TP53BP2: variants seen among roughly 807,000 people sequenced by gnomAD.
TP53BP2 encodes tumor protein p53 binding protein 2.
In TP53BP2, 62 loss-of-function variants were observed where a neutral mutation model predicts 126.2. The observed-to-expected ratio is 0.49, with a 90% CI of 0.40 to 0.61. The LOEUF (loss-of-function observed/expected upper bound fraction) is 0.61, where lower values mean the gene tolerates loss of function less well. Among genes scored for constraint, TP53BP2 ranks in the 20% least tolerant of loss-of-function variants. The pLI is 0.00. For synonymous variants in TP53BP2, 485 were observed against 502.9 expected, an observed-to-expected ratio of 0.96 and a Z score of 0.48; for missense variants, 1,215 against 1,402.8, an observed-to-expected ratio of 0.87 and a Z score of 2.14.
chr1:223,814,136 C>G, intron 3 of TP53BP2, 104 bp downstream of exon 3: 2 of 795,252 alleles, frequency 2.5e-6, no homozygotes, highest in Non-Finnish European at 4.2e-6. Flanking sequence ...CCTAACCTCT[C>G]CTTCACCTCT....
chr1:223,790,416 G>C (rs1242768159), intron 15 of TP53BP2, among the ~76,000 whole-genome samples: 4 of 151,816 alleles, frequency 2.6e-5, no homozygotes, highest in Non-Finnish European at 5.9e-5. Flanking sequence ...AAAATAGCCA[G>C]GTGTGGTGGC....
chr1:223,802,912 G>T lies in TP53BP2; in HGVS notation c.832-17C>A. 1 of 1,611,790 alleles carries T rather than the reference G, an allele frequency of 6.2e-7. No individual in the cohort carries two copies. On this transcript the variant is annotated splice_polypyrimidine_tract_variant and intron_variant, in intron 7 of 17. Coordinates refer to ENST00000343537, the MANE Select transcript of TP53BP2 (RefSeq NM_001031685.3). Reference sequence around the variant, plus strand: ...GTTTCTTAGCTGAATAAAAGAGAGGGGAAAAAAGGTAGCCAAGGAGTAGGA... The same window carrying T: ...GTTTCTTAGCTGAATAAAAGAGAGGTGAAAAAAGGTAGCCAAGGAGTAGGA...
At position 223,804,235 on chromosome 1, in the gene TP53BP2, T is replaced by C; in HGVS notation, c.588A>G (p.Leu196=). The stretch of plus-strand genomic sequence containing the variant: ...GGCCTTTAAGTGCTCTCACTTTTTT[T>C]AGCTTAGCTTCCTGATTCTCAGCTA... ...KEIAENQEAK[L]KKVRALKGHV... is the part of the protein sequence containing the mutation. Residue 196 remains leucine (L), a synonymous_variant, in exon 6 of 18, where the codon CTA becomes CTG. Coordinates refer to ENST00000343537, the MANE Select transcript of TP53BP2 (RefSeq NM_001031685.3). The C allele has an allele frequency of 6.2e-7, 1 of 1,614,206 alleles. No individual in the cohort carries two copies. Among genetic ancestry groups the C allele is most frequent in the Non-Finnish European group, 8.5e-7 (1 of 1,180,020 alleles).
At position 223,799,943 on chromosome 1, in the gene TP53BP2, G is replaced by A; in HGVS notation, c.1441C>T (p.Leu481=). 6.2e-7 allele frequency: 1 copy of A among 1,611,756 alleles called. No individual in the cohort carries two copies. The highest frequency in any genetic ancestry group is 2.2e-5 in the East Asian group (1 of 44,842). The change falls in exon 11 of 18, where the codon CTG becomes TTG. Residue 481 remains leucine, a synonymous_variant. Transcript: ENST00000343537. Reference sequence around the variant, plus strand: ...TCTTCACTGCTCTGGTTCTTCCTCAGAGTACCAAAGGAAGGTGGGGCATTG... The same window carrying A: ...TCTTCACTGCTCTGGTTCTTCCTCAAAGTACCAAAGGAAGGTGGGGCATTG... The part of the protein sequence containing the change: ...QSNAPPSFGT[L]RKNQSSEDIL...
chr1:223,844,061 A>T (rs954792101), intron 1 of TP53BP2, among the ~76,000 whole-genome samples: 3 of 152,176 alleles, frequency 2.0e-5, no homozygotes, highest in Admixed American at 6.5e-5. Context: ...ACAGATGATG[A>T]AACTGAGGGA....
At chr1:223,842,732 A>G (rs1016603230) in intron 1 of TP53BP2, among the ~76,000 whole-genome samples, 1 of 152,258 alleles carries the variant, frequency 6.6e-6, no homozygotes, top group African/African-American at 2.4e-5. Flanking sequence ...GTAGTGAATA[A>G]AAGATATCTA....
chr1:223,830,859 G>A (rs1038828335), intron 1 of TP53BP2, among the ~76,000 whole-genome samples: 1 of 152,214 alleles, frequency 6.6e-6, no homozygotes, highest in Non-Finnish European at 1.5e-5. Flanking sequence ...AGAACTTTGG[G>A]AGGCCGAGGC....
At chr1:223,843,235 G>A (rs933553602) in intron 1 of TP53BP2, among the ~76,000 whole-genome samples, 4 of 151,086 alleles carry the variant, frequency 2.6e-5, no homozygotes, top group African/African-American at 9.8e-5. Context: ...GTACAGTGGT[G>A]CCATCTCGGC....
At chr1:223,790,902 G>A (rs1365952198) in intron 15 of TP53BP2, among the ~76,000 whole-genome samples, 1 of 152,006 alleles carries the variant, frequency 6.6e-6, no homozygotes, top group Non-Finnish European at 1.5e-5. Context: ...ACCATGCCTG[G>A]CCAGAACACT....
At chr1:223,790,480 C>T (rs1339403931) in intron 15 of TP53BP2, among the ~76,000 whole-genome samples, 1 of 151,846 alleles carries the variant, frequency 6.6e-6, no homozygotes, top group African/African-American at 2.4e-5. Context: ...CTGCTTCAGC[C>T]CAGAGGGCAG....
chr1:223,788,818 G>A (rs1662056093), intron 16 of TP53BP2, among the ~76,000 whole-genome samples, 190 bp downstream of exon 16: 1 of 152,160 alleles, frequency 6.6e-6, no homozygotes, highest in Non-Finnish European at 1.5e-5. Flanking sequence ...AGAAGTCCCT[G>A]ACAATAGCTG....
intron 16 of TP53BP2, among the ~76,000 whole-genome samples, chr1:223,786,380 G>A (rs886434988): frequency 3.3e-5 from 5 of 152,122 alleles, no homozygotes; most frequent in African/African-American, 7.2e-5. Flanking sequence ...TACTCACTGT[G>A]TGTAATCTAC....
rs557357482 is a variant in TP53BP2, at chr1:223,824,110, A to C, written c.28-2743T>G. 7.7e-4 allele frequency among the ~76,000 whole-genome samples: 118 copies of C among 152,320 alleles called. 1 individual carries two copies. Among genetic ancestry groups the C allele is most frequent in the Admixed American group, 1.5e-3 (23 of 15,304 alleles). Reference sequence around the variant, plus strand: ...AGATAAGTGATCTATTTGCCTACTGAAATGAGAAAGGTACAATTCTGTTTT... The same window carrying C: ...AGATAAGTGATCTATTTGCCTACTGCAATGAGAAAGGTACAATTCTGTTTT... On this transcript the variant is annotated intron_variant, in intron 1 of 17. Coordinates refer to ENST00000343537, the MANE Select transcript of TP53BP2 (RefSeq NM_001031685.3).
chr1:223,786,638 G>A (rs1425015020), intron 16 of TP53BP2, among the ~76,000 whole-genome samples: 4 of 148,258 alleles, frequency 2.7e-5, no homozygotes, highest in African/African-American at 1.0e-4. Flanking sequence ...ATGGAGTCTC[G>A]CTCTGTTGCC....
chr1:223,808,403 T>C (rs925626583), intron 4 of TP53BP2, among the ~76,000 whole-genome samples: 2 of 152,008 alleles, frequency 1.3e-5, no homozygotes, highest in African/African-American at 4.8e-5. Flanking sequence ...TAGCTGGGCA[T>C]GGTGGCAGGT....
Position 223,798,639 on chromosome 1 carries a change from A to G in TP53BP2, c.1524T>C (p.Val508=). The G allele has an allele frequency of 6.2e-7, 1 of 1,613,282 alleles. No individual in the cohort carries two copies. The highest frequency in any genetic ancestry group is 8.5e-7 in the Non-Finnish European group (1 of 1,179,590). ...NKNVAKVPPP[V]PTKPKQINLP... The stretch of plus-strand genomic sequence containing the variant: ...AATTAATCTGTTTTGGTTTTGTAGG[A>G]ACAGGAGGTGGTACTTTAGCCACAT... The change falls in exon 12 of 18, where the codon GTT becomes GTC. Residue 508 remains valine, a synonymous_variant. Coordinates refer to ENST00000343537, the MANE Select transcript of TP53BP2 (RefSeq NM_001031685.3).
chr1:223,782,330 G>C (rs1354562932), intron 17 of TP53BP2, among the ~76,000 whole-genome samples: 2 of 152,124 alleles, frequency 1.3e-5, no homozygotes, highest in Non-Finnish European at 2.9e-5. Flanking sequence ...TCCCAGATAA[G>C]AAACTATACA....
chr1:223,835,377 T>C (rs1025739106), intron 1 of TP53BP2, among the ~76,000 whole-genome samples: 10 of 152,212 alleles, frequency 6.6e-5, no homozygotes, highest in African/African-American at 1.9e-4. Flanking sequence ...AAACAATCAA[T>C]GTATAAAGCA....
chr1:223,838,242 G>A (rs1357716273), intron 1 of TP53BP2, among the ~76,000 whole-genome samples: 1 of 151,880 alleles, frequency 6.6e-6, no homozygotes, highest in Admixed American at 6.6e-5. Context: ...TTCCTTTCCT[G>A]TCTCCATGGC....
Sources: allele counts gnomAD v4.1 joint callset (sites outside exome capture counted in the v4.1 genomes callset), GRCh38; gene constraint gnomAD v4.1.1; transcripts MANE v1.5; gene names NCBI Gene and HGNC (gene_info 2026-07-23, HGNC 2026-07-21).